RAB38: variants seen among roughly 807,000 people sequenced by gnomAD.
The protein encoded by RAB38 is ras-related protein Rab-38.
In RAB38, 15 loss-of-function variants were observed where a neutral mutation model predicts 18.4. The ratio of observed to expected loss-of-function variants is 0.82; its 90% CI spans 0.55 to 1.26. The LOEUF is 1.26. Among genes scored for constraint, RAB38 ranks in the 50% most tolerant of loss-of-function variants. The pLI is 0.00. For missense variants in RAB38, 294 were observed against 267.4 expected, an observed-to-expected ratio of 1.10 and a Z score of -0.69; for synonymous variants, 101 against 104.4, an observed-to-expected ratio of 0.97 and a Z score of 0.20.
At chr11:88,118,735 G>A (rs556789190) in intron 2 of RAB38, among the ~76,000 whole-genome samples, 5 of 152,234 alleles carry the variant, frequency 3.3e-5, no homozygotes, top group Admixed American at 6.5e-5. Context: ...AAGGTAATGC[G>A]TGTTCTTCTT....
the RAB38 span, among the ~76,000 whole-genome samples, chr11:88,033,380 TAATA>T: frequency 9.6e-6 from 1 of 104,182 alleles, no homozygotes; most frequent in Non-Finnish European, 2.5e-5. Context: ...AGTACAATAA[TAATA>T]AAAAAAAGAA....
the RAB38 span, among the ~76,000 whole-genome samples, chr11:88,022,627 A>AAAAAAAC: frequency 6.7e-6 from 1 of 150,236 alleles, no homozygotes; most frequent in Non-Finnish European, 1.5e-5. Flanking sequence ...AAAAAAAAAA[A>AAAAAAAC]AAAAACAACT....
the RAB38 span, among the ~76,000 whole-genome samples, chr11:87,858,118 G>A: frequency 1.3e-5 from 2 of 152,094 alleles, no homozygotes; most frequent in Non-Finnish European, 2.9e-5. Context: ...TATTAAACAG[G>A]GAATCCTTTC....
the RAB38 span, among the ~76,000 whole-genome samples, chr11:87,976,812 A>C: frequency 1.3e-5 from 1 of 79,594 alleles, no homozygotes; most frequent in African/African-American, 5.5e-5. Flanking sequence ...AATATATTAT[A>C]TATTATACAA....
At chr11:88,042,446 C>T in the RAB38 span, among the ~76,000 whole-genome samples, 1 of 152,238 alleles carries the variant, frequency 6.6e-6, no homozygotes, top group Non-Finnish European at 1.5e-5. Context: ...CTGACACTGT[C>T]AGCCTCCAGG....
chr11:87,878,220 T>G, the RAB38 span, among the ~76,000 whole-genome samples: 1 of 109,192 alleles, frequency 9.2e-6, no homozygotes, highest in Non-Finnish European at 1.6e-5. Flanking sequence ...TATATATATA[T>G]ATACACACAT....
At chr11:87,973,465 C>CAG in the RAB38 span, among the ~76,000 whole-genome samples, 15,413 of 151,858 alleles carry the variant, frequency 0.1, 947 homozygotes, top group South Asian at 0.18. Context: ...GAGAGAAGCA[C>CAG]AGAGAGAGAG....
At chr11:88,133,591 T>C (rs1471919461) in intron 2 of RAB38, among the ~76,000 whole-genome samples, 1 of 152,226 alleles carries the variant, frequency 6.6e-6, no homozygotes, top group Non-Finnish European at 1.5e-5. Flanking sequence ...GAAAATACAC[T>C]GTTGACAGAA....
the RAB38 span, among the ~76,000 whole-genome samples, chr11:88,070,428 C>T: frequency 1.3e-5 from 2 of 152,174 alleles, no homozygotes; most frequent in South Asian, 2.1e-4. Flanking sequence ...CGCGAGGGTC[C>T]GCGGCTTCAT....
the RAB38 span, among the ~76,000 whole-genome samples, chr11:87,819,901 C>G: frequency 6.6e-6 from 1 of 151,686 alleles, no homozygotes. Flanking sequence ...GAAAGAAACA[C>G]AAGCAAATAT....
At chr11:87,896,112 C>A in the RAB38 span, among the ~76,000 whole-genome samples, 1 of 151,702 alleles carries the variant, frequency 6.6e-6, no homozygotes, top group Non-Finnish European at 1.5e-5. Context: ...TAAGAGTGAA[C>A]TCTACTCATT....
chr11:88,056,648 C>CA, the RAB38 span, among the ~76,000 whole-genome samples: 1 of 151,874 alleles, frequency 6.6e-6, no homozygotes, highest in Non-Finnish European at 1.5e-5. Flanking sequence ...ACTAAATACA[C>CA]AAAAAATTAG....
At chr11:87,933,357 A>T in the RAB38 span, among the ~76,000 whole-genome samples, 1 of 151,944 alleles carries the variant, frequency 6.6e-6, no homozygotes, top group African/African-American at 2.4e-5. Flanking sequence ...CATATTTTTC[A>T]GGTAAAGTTG....
At chr11:88,085,999 C>A in the RAB38 span, among the ~76,000 whole-genome samples, 1 of 151,824 alleles carries the variant, frequency 6.6e-6, no homozygotes, top group African/African-American at 2.4e-5. Flanking sequence ...CTGGTTTGAA[C>A]TTTACCTCCG....
chr11:88,027,151 A>C, the RAB38 span, among the ~76,000 whole-genome samples: 3 of 152,026 alleles, frequency 2.0e-5, no homozygotes, highest in Non-Finnish European at 4.4e-5. Flanking sequence ...TTCTATTTCT[A>C]GTTTTCTGAG....
chr11:88,107,183 G>A, the RAB38 span, among the ~76,000 whole-genome samples: 1 of 151,864 alleles, frequency 6.6e-6, no homozygotes, highest in East Asian at 1.9e-4. Flanking sequence ...AGCATTCAGT[G>A]GATTTTAGTA....
At chr11:87,812,584 A>C in the RAB38 span, among the ~76,000 whole-genome samples, 1 of 152,212 alleles carries the variant, frequency 6.6e-6, no homozygotes, top group Non-Finnish European at 1.5e-5. Flanking sequence ...TGGTTTCCCA[A>C]TGGAGACAAG....
chr11:87,892,512 T>A, the RAB38 span, among the ~76,000 whole-genome samples: 1 of 151,816 alleles, frequency 6.6e-6, no homozygotes, highest in African/African-American at 2.4e-5. Context: ...CATGTCATTC[T>A]CCTGCTCAAA....
At chr11:88,156,469 C>T (rs553310592) in intron 1 of RAB38, among the ~76,000 whole-genome samples, 21 of 152,164 alleles carry the variant, frequency 1.4e-4, no homozygotes, top group Middle Eastern at 3.4e-3. Context: ...TTTGGGAGGC[C>T]GAGGCAGGCG....
Sources: allele counts gnomAD v4.1 joint callset (sites outside exome capture counted in the v4.1 genomes callset), GRCh38; gene constraint gnomAD v4.1.1; transcripts MANE v1.5; gene names NCBI Gene and HGNC (gene_info 2026-07-23, HGNC 2026-07-21).